ADGRF1: variants seen among roughly 807,000 people sequenced by gnomAD.
The protein encoded by ADGRF1 is G protein-coupled receptor 110.
A neutral mutation model predicts 87.2 loss-of-function variants in ADGRF1; 85 were observed. The ratio of observed to expected loss-of-function variants is 0.97; its 90% CI spans 0.82 to 1.17. The LOEUF (loss-of-function observed/expected upper bound fraction) is 1.17. Among genes scored for constraint, ADGRF1 ranks in the 50% most tolerant of loss-of-function variants. The pLI, the probability that ADGRF1 is intolerant of heterozygous loss-of-function variation, is 0.00. For missense variants in ADGRF1, 1,169 were observed against 1,077.2 expected (o/e 1.09, Z -1.19); for synonymous variants, 430 against 408.8 (o/e 1.05, Z -0.63).
chr6:47,020,225 G>A, intron 7 of ADGRF1: 1 of 1,260,302 alleles, frequency 7.9e-7, no homozygotes, highest in East Asian at 3.1e-5. Flanking sequence ...CAGATGTGGT[G>A]GCTCATGCCT....
At position 47,000,187 on chromosome 6, in the gene ADGRF1, C is replaced by T. The variant is rs368762347; in HGVS notation, c.*35G>A. ...ATTTGTCTCTAAATGTCAAGTTGTT[C>T]TGGAAATTTTTTCTTGATTTTATGA... On this transcript the variant is annotated 3_prime_UTR_variant, in exon 15 of 15. Transcript: ENST00000371253. The T allele has an allele frequency of 1.3e-6, 2 of 1,501,722 alleles. No individual in the cohort carries two copies. The highest frequency in any genetic ancestry group is 1.8e-6 in the Non-Finnish European group (2 of 1,082,656). The allele number at this position is 1,501,722 out of a possible 1,614,324, so 93.0% of individuals were successfully genotyped here. A position where few individuals can be genotyped will look rare whatever the true frequency, so the allele number is the denominator to read the frequency against.
At position 47,036,878 on chromosome 6, in the gene ADGRF1, G is replaced by A. The variant is rs555754411; in HGVS notation, c.-44+5313C>T. The stretch of plus-strand genomic sequence containing the variant: ...AACCATCAAGATTCTACACCATACA[G>A]AATGAAAAGCAAACTCAAGATCATA... On this transcript the variant is annotated intron_variant, in intron 1 of 14. Transcript: ENST00000371253. Among the ~76,000 whole-genome samples, 121 of 152,218 alleles carry A rather than the reference G, an allele frequency of 7.9e-4. No individual in the cohort carries two copies. The Middle Eastern group carries it at 0.01, about 13-fold the overall frequency.
chr6:47,038,937 G>T (rs12200682), intron 1 of ADGRF1, among the ~76,000 whole-genome samples: 1 of 152,292 alleles, frequency 6.6e-6, no homozygotes, highest in East Asian at 1.9e-4. Context: ...GCTGCATGCA[G>T]TACAAACACA....
At chr6:47,013,749 T>C (rs1358329346) in intron 9 of ADGRF1, 6 of 676,634 alleles carry the variant, frequency 8.9e-6, no homozygotes, top group Non-Finnish European at 1.1e-5. Context: ...TGGGAGATGA[T>C]TGGATCATGG....
intron 1 of ADGRF1, among the ~76,000 whole-genome samples, chr6:47,033,771 A>G (rs926462697): frequency 6.6e-6 from 1 of 152,208 alleles, no homozygotes; most frequent in Non-Finnish European, 1.5e-5. Context: ...CTTTTCTAGG[A>G]AGTGTTGGGC....
chr6:47,040,116 C>T (rs11965700), intron 1 of ADGRF1, among the ~76,000 whole-genome samples: 1 of 151,934 alleles, frequency 6.6e-6, no homozygotes, highest in African/African-American at 2.4e-5. Flanking sequence ...TATTTGGCAA[C>T]AGCGTTTCCC....
chr6:47,024,898 G>A (rs1192530287), intron 4 of ADGRF1, among the ~76,000 whole-genome samples: 1 of 152,190 alleles, frequency 6.6e-6, no homozygotes, highest in East Asian at 1.9e-4. Flanking sequence ...CCACTGCAAT[G>A]GAAGAGAGAA....
At chr6:47,040,418 G>T (rs1780704149) in intron 1 of ADGRF1, among the ~76,000 whole-genome samples, 1 of 152,196 alleles carries the variant, frequency 6.6e-6, no homozygotes, top group Admixed American at 6.5e-5. Context: ...CTTGCAGTGA[G>T]CCGAGATCAC....
rs1294525738 is a variant in ADGRF1 at position 47,010,219 on chromosome 6, C to T, written c.1216G>A (p.Glu406Lys). The change falls in exon 11 of 15, where the codon GAG becomes AAG. Residue 406 changes from glutamate (E) to lysine (K), a missense_variant. By Grantham distance (56) the Glu-to-Lys change is moderately conservative. Transcript: ENST00000371253. Reference protein sequence around the residue: ...EEKYASSRLLETLENISTLVP... With the variant: ...EEKYASSRLLKTLENISTLVP... The stretch of plus-strand genomic sequence containing the variant: ...AGAGTGCTGATGTTTTCTAATGTCT[C>T]TAGTAACCGTGAGCTGGCATACTTT... 3 of 1,613,924 alleles carry T rather than the reference C, an allele frequency of 1.9e-6. No homozygotes were observed. The African/African-American group carries it at 4.0e-5, about 22-fold the overall frequency.
intron 1 of ADGRF1, among the ~76,000 whole-genome samples, chr6:47,033,356 G>A (rs1306201278): frequency 6.6e-6 from 1 of 152,180 alleles, no homozygotes; most frequent in Non-Finnish European, 1.5e-5. Flanking sequence ...TATTCTTTCA[G>A]TTATATACTT....
At chr6:47,022,804 CT>C (rs11286179) in intron 5 of ADGRF1, among the ~76,000 whole-genome samples, 5,963 of 119,240 alleles carry the variant, frequency 0.05, 386 homozygotes, top group African/African-American at 0.19. Flanking sequence ...TTTCTTTTTT[CT>C]TTTTTTTTTT....
At chr6:47,021,656 C>T (rs527451241) in intron 6 of ADGRF1, among the ~76,000 whole-genome samples, 6 of 152,020 alleles carry the variant, frequency 3.9e-5, no homozygotes, top group South Asian at 4.2e-4. Context: ...CCACCATGCC[C>T]GGTCCATAAA....
At chr6:47,012,830 C>T in intron 9 of ADGRF1, 1 of 936,394 alleles carries the variant, frequency 1.1e-6, no homozygotes, top group Non-Finnish European at 1.3e-6. Flanking sequence ...AGTGCGGTGG[C>T]ATGATCTCAG....
intron 1 of ADGRF1, among the ~76,000 whole-genome samples, chr6:47,038,400 T>C (rs1398600996): frequency 1.3e-5 from 2 of 152,198 alleles, no homozygotes; most frequent in Non-Finnish European, 2.9e-5. Flanking sequence ...AATGAAACAG[T>C]TTTTTATCCA....
chr6:47,024,041 T>C lies in ADGRF1; in HGVS notation c.451+3A>G, dbSNP rs1205267808. ...CCAGCCCAGAGCATTCTTAGTTGCT[T>C]ACTTGTTCTCTCACAGAAATTGACA... is the stretch of plus-strand genomic sequence containing the variant. On this transcript the variant is annotated splice_donor_region_variant and intron_variant, in intron 5 of 14. Transcript: ENST00000371253. The C allele has an allele frequency of 1.2e-6, 2 of 1,613,156 alleles. No individual in the cohort carries two copies. The highest frequency in any genetic ancestry group is 2.2e-5 in the South Asian group (2 of 90,908).
intron 1 of ADGRF1, among the ~76,000 whole-genome samples, chr6:47,038,104 A>C (rs999206789): frequency 7.2e-5 from 11 of 151,866 alleles, no homozygotes; most frequent in Non-Finnish European, 1.5e-5. Flanking sequence ...CAGGTGATTC[A>C]CCCGCCTCAG....
intron 8 of ADGRF1, 149 bp downstream of exon 8, chr6:47,016,467 GC>G: frequency 1.3e-6 from 1 of 773,616 alleles, no homozygotes; most frequent in Non-Finnish European, 1.9e-6. Context: ...TCATCTTGGT[GC>G]TGGGGGAAAC....
rs535757517 is a variant in ADGRF1 at position 47,016,842 on chromosome 6, G to T, written c.612-74C>A. On this transcript the variant is annotated intron_variant, in intron 7 of 14. Coordinates refer to ENST00000371253, the MANE Select transcript of ADGRF1 (RefSeq NM_153840.4). ...CATTCACTCCCGGCCTATGCTGTGT[G>T]TACATGCCATGGGGTCCATAGGAAT... is the stretch of plus-strand genomic sequence containing the variant. The T allele has an allele frequency of 2.5e-5, 37 of 1,459,150 alleles. No individual in the cohort carries two copies. The South Asian group carries it at 3.6e-4, about 14-fold the overall frequency. The allele number at this position is 1,459,150 out of a possible 1,614,324, so 90.4% of individuals were successfully genotyped here. A position where few individuals can be genotyped will look rare whatever the true frequency, so the allele number is the denominator to read the frequency against.
Position 47,004,368 on chromosome 6 carries a change from G to C in ADGRF1, c.2592+1449C>G, listed in dbSNP as rs566472990. ...TTAAAACAAATGAGCCACCTAACCA[G>C]CAACAAAATCTCATTTTTGTCACCT... On this transcript the variant is annotated intron_variant, in intron 13 of 14. Coordinates refer to ENST00000371253, the MANE Select transcript of ADGRF1 (RefSeq NM_153840.4). Among the ~76,000 whole-genome samples the C allele has an allele frequency of 8.5e-5, 13 of 152,228 alleles. No homozygotes were observed. In the East Asian group the frequency reaches 2.3e-3, roughly 27 times the overall value.
Sources: allele counts gnomAD v4.1 joint callset (sites outside exome capture counted in the v4.1 genomes callset), GRCh38; gene constraint gnomAD v4.1.1; transcripts MANE v1.5; gene names NCBI Gene and HGNC (gene_info 2026-07-23, HGNC 2026-07-21).